MIGA1: variants seen among roughly 807,000 people sequenced by gnomAD.
MIGA1 encodes mitoguardin 1, also known as family with sequence similarity 73, member A.
In MIGA1, 58 loss-of-function variants were observed where a neutral mutation model predicts 82.0. The observed-to-expected ratio is 0.71, with a 90% CI of 0.57 to 0.88. The LOEUF (loss-of-function observed/expected upper bound fraction) is 0.88. Among genes scored for constraint, MIGA1 ranks in the 40% least tolerant of loss-of-function variants. MIGA1 has a pLI of 0.00. For synonymous variants in MIGA1, 249 were observed against 253.6 expected, an observed-to-expected ratio of 0.98 and a Z score of 0.17; for missense variants, 751 against 749.1, an observed-to-expected ratio of 1.00 and a Z score of -0.03.
chr1:77,850,080 A>G (rs1684990895), intron 8 of MIGA1, among the ~76,000 whole-genome samples: 1 of 151,948 alleles, frequency 6.6e-6, no homozygotes, highest in African/African-American at 2.4e-5. Flanking sequence ...GGGCTGAAAG[A>G]TCTGTTCCCA....
intron 8 of MIGA1, among the ~76,000 whole-genome samples, chr1:77,856,619 C>G (rs1481156135): frequency 2.0e-5 from 3 of 152,006 alleles, no homozygotes; most frequent in African/African-American, 7.2e-5. Flanking sequence ...TGTATTTTTC[C>G]AGGAATTTAT....
rs544862095 is a variant in MIGA1 at position 77,878,358 on chromosome 1, C to G, written c.*3294C>G. ...GCAGTTAGCCGAGATCGTGCCATTG[C>G]ACTCCAGCCTGGGCAACAAGAGTAA... On this transcript the variant is annotated 3_prime_UTR_variant, in exon 16 of 16. Transcript: ENST00000370791. 1 of 125,424 alleles carries G rather than the reference C, an allele frequency of 8.0e-6. No homozygotes were observed. The highest frequency in any genetic ancestry group is 2.3e-4 in the East Asian group (1 of 4,288). The allele number at this position is 125,424 out of a possible 1,614,324, so 7.8% of individuals were successfully genotyped here. A position where few individuals can be genotyped will look rare whatever the true frequency, so the allele number is the denominator to read the frequency against.
At position 77,859,378 on chromosome 1, in the gene MIGA1, G is replaced by A. The variant is rs373942047; in HGVS notation, c.1180G>A (p.Ala394Thr). ...TGCCAAACTTCACTGTATTCGACAG[G>A]CTTTTCAGGTATTTTTTTAACATTA... is the stretch of plus-strand genomic sequence containing the variant. The change falls in exon 10 of 16, where the codon GCT becomes ACT. Residue 394 changes from alanine (A) to threonine (T), a missense_variant. Ala to Thr is a moderately conservative substitution (Grantham distance 58). Around this residue, in one of 3 missense-constraint regions of MIGA1, gnomAD observed 265 missense variants for 293.6 expected, o/e 0.90. Coordinates refer to ENST00000370791, the MANE Select transcript of MIGA1 (RefSeq NM_198549.4). 5.0e-6 allele frequency: 8 copies of A among 1,612,966 alleles called. No homozygotes were observed. The African/African-American group carries it at 5.3e-5, about 11-fold the overall frequency.
chr1:77,849,635 A>C (rs1266429760), intron 8 of MIGA1, among the ~76,000 whole-genome samples: 1 of 152,250 alleles, frequency 6.6e-6, no homozygotes, highest in Non-Finnish European at 1.5e-5. Flanking sequence ...TGCTTAAAAA[A>C]TACACCAATA....
chr1:77,812,222 A>G (rs1259054668), intron 5 of MIGA1, among the ~76,000 whole-genome samples: 1 of 152,176 alleles, frequency 6.6e-6, no homozygotes, highest in Non-Finnish European at 1.5e-5. Context: ...TAATCCCAGC[A>G]CTTTGGAAGG....
At chr1:77,779,784 C>T (rs949012459) in intron 1 of MIGA1, 48 bp downstream of exon 1, 9 of 1,513,544 alleles carry the variant, frequency 5.9e-6, no homozygotes, top group Non-Finnish European at 8.0e-6. Flanking sequence ...CGGGAGGAAG[C>T]GGAGAGTTGA....
chr1:77,862,305 G>C (rs1231601933), intron 12 of MIGA1: 1 of 147,904 alleles, frequency 6.8e-6, no homozygotes, highest in Non-Finnish European at 1.5e-5. Flanking sequence ...AAATTAGCCA[G>C]GTGTAGTGGC....
chr1:77,872,218 C>T (rs533678953), intron 14 of MIGA1, among the ~76,000 whole-genome samples: 31 of 152,200 alleles, frequency 2.0e-4, no homozygotes, highest in African/African-American at 7.2e-5. Flanking sequence ...ATCCACCTGC[C>T]TTGGCCTCCC....
At chr1:77,810,735 G>A (rs577572660) in intron 5 of MIGA1, 8 of 1,088,450 alleles carry the variant, frequency 7.3e-6, no homozygotes, top group South Asian at 6.5e-5. Context: ...ATTGGACTCC[G>A]TCCGGCCTAC....
chr1:77,875,571 T>A lies in MIGA1; in HGVS notation c.*507T>A, dbSNP rs1318591446. 6.5e-6 allele frequency: 1 copy of A among 154,702 alleles called. No homozygotes were observed. The highest frequency in any genetic ancestry group is 1.4e-5 in the Non-Finnish European group (1 of 69,654). 9.6% of individuals were successfully genotyped at this position (154,702 alleles called of 1,614,324 possible). A position where few individuals can be genotyped will look rare whatever the true frequency, so the allele number is the denominator to read the frequency against. On this transcript the variant is annotated 3_prime_UTR_variant, in exon 16 of 16. Coordinates refer to ENST00000370791, the MANE Select transcript of MIGA1 (RefSeq NM_198549.4). ...TTAGGCAGTAATGATGTTTAATATG[T>A]ACTGCATACATTATTGCTTGTGCAT...
Position 77,779,703 on chromosome 1 carries a change from G to C in MIGA1, c.48G>C (p.Val16=), listed in dbSNP as rs761091157. The change falls in exon 1 of 16, where the codon GTG becomes GTC. Residue 16 remains valine (V), a synonymous_variant. Transcript: ENST00000370791. Reference sequence around the variant, plus strand: ...CAGGCATCAGCTGGGAAGCTGGCGTGGGCAGGCCAGCTGTACCTGGCCTGG... The same window carrying C: ...CAGGCATCAGCTGGGAAGCTGGCGTCGGCAGGCCAGCTGTACCTGGCCTGG... 1 of 1,588,974 alleles carries C rather than the reference G, an allele frequency of 6.3e-7. No homozygotes were observed. The highest frequency in any genetic ancestry group is 8.6e-7 in the Non-Finnish European group (1 of 1,167,946).
At chr1:77,873,469 G>A (rs1646866652) in intron 15 of MIGA1, among the ~76,000 whole-genome samples, 1 of 152,114 alleles carries the variant, frequency 6.6e-6, no homozygotes, top group Non-Finnish European at 1.5e-5. Flanking sequence ...TCATACCTGG[G>A]CACTTTTGAA....
rs1683526573 is a variant in MIGA1 at position 77,815,194 on chromosome 1, TG to T, written c.862del (p.Ala288HisfsTer19). 2 of 1,608,812 alleles carry T rather than the reference TG, an allele frequency of 1.2e-6. No individual in the cohort carries two copies. Among genetic ancestry groups the T allele is most frequent in the East Asian group, 4.5e-5 (2 of 44,778 alleles). Reference sequence around the variant, plus strand: ...TCCAAGAGGAGTTTGAAGCTACCCTTGGGGCATCTGATCCTAATTCCCTTGC... The same window carrying T: ...TCCAAGAGGAGTTTGAAGCTACCCTTGGGCATCTGATCCTAATTCCCTTGC... On this transcript the variant is annotated frameshift_variant, in exon 7 of 16. Transcript: ENST00000370791. LOFTEE classifies it high-confidence loss of function.
At chr1:77,805,502 G>T in intron 4 of MIGA1, among the ~76,000 whole-genome samples, 1 of 102,776 alleles carries the variant, frequency 9.7e-6, no homozygotes, top group African/African-American at 3.6e-5. Flanking sequence ...GTGTATTGAT[G>T]GAATATACCT....
At chr1:77,832,663 A>G (rs1684283529) in intron 7 of MIGA1, among the ~76,000 whole-genome samples, 1 of 152,156 alleles carries the variant, frequency 6.6e-6, no homozygotes. Flanking sequence ...AGGGAACTAC[A>G]AGTTCTTTGA....
At position 77,813,983 on chromosome 1, in the gene MIGA1, T is replaced by G. The variant is rs1460262325; in HGVS notation, c.771+116T>G. ...TTACCCAGGCTGAGTCTTGAACTCC[T>G]GGGCTCAAGCGATCTTCCCGCCTTG... On this transcript the variant is annotated intron_variant, in intron 6 of 15. Transcript: ENST00000370791. The G allele has an allele frequency of 5.7e-6, 6 of 1,043,480 alleles. No individual in the cohort carries two copies. In the Admixed American group the frequency reaches 7.1e-5, roughly 12 times the overall value. 64.6% of individuals were successfully genotyped at this position (1,043,480 alleles called of 1,614,324 possible). A position where few individuals can be genotyped will look rare whatever the true frequency, so the allele number is the denominator to read the frequency against.
In MIGA1 at chr1:77,788,183, A is replaced by T. The variant is rs1682255986; in HGVS notation, c.195+4832A>T. Among the ~76,000 whole-genome samples the T allele has an allele frequency of 2.0e-5, 3 of 152,168 alleles. No homozygotes were observed. The South Asian group carries it at 6.2e-4, about 32-fold the overall frequency. On this transcript the variant is annotated intron_variant, in intron 2 of 15. Coordinates refer to ENST00000370791, the MANE Select transcript of MIGA1 (RefSeq NM_198549.4). ...ATGCCTGGCTAATTTTTGTATTTTTAATAGAGATGGGGTTTCACCATGTTG... is the reference window on the plus strand; with the variant it reads ...ATGCCTGGCTAATTTTTGTATTTTTTATAGAGATGGGGTTTCACCATGTTG...
At chr1:77,830,653 A>G (rs902049216) in intron 7 of MIGA1, among the ~76,000 whole-genome samples, 1 of 152,086 alleles carries the variant, frequency 6.6e-6, no homozygotes, top group Non-Finnish European at 1.5e-5. Flanking sequence ...ATGTCTGAAG[A>G]GAGCTGTGTC....
At chr1:77,854,487 A>G (rs1393259915) in intron 8 of MIGA1, among the ~76,000 whole-genome samples, 1 of 152,194 alleles carries the variant, frequency 6.6e-6, no homozygotes, top group East Asian at 1.9e-4. Context: ...ACTTTTTTCC[A>G]TAGTGGCTAT....
Sources: gnomAD v4.1 joint callset for allele counts (sites outside exome capture counted in the v4.1 genomes callset) on GRCh38, gnomAD v4.1.1 for gene constraint, gnomAD v4.1.1 regional missense constraint, MANE v1.5 for transcripts, NCBI Gene and HGNC (gene_info 2026-07-23, HGNC 2026-07-21) for gene names.